The following RBFOX2 variants were observed in gnomAD, a reference collection of about 807,000 sequenced individuals.
RBFOX2 encodes the protein RNA binding fox-1 homolog 2.
In RBFOX2, 10 loss-of-function variants were observed where a neutral mutation model predicts 49.1. The ratio of observed to expected loss-of-function variants is 0.20; its 90% CI spans 0.13 to 0.35. The LOEUF is 0.35. Among genes scored for constraint, RBFOX2 ranks in the 10% least tolerant of loss-of-function variants. The pLI is 1.00. For missense variants in RBFOX2, 323 were observed against 486.9 expected (o/e 0.66, Z 3.17); for synonymous variants, 183 against 187.4 (o/e 0.98, Z 0.19).
At chr22:35,936,928 A>T (rs1168818441) in intron 1 of RBFOX2, among the ~76,000 whole-genome samples, 1 of 152,188 alleles carries the variant, frequency 6.6e-6, no homozygotes, top group Non-Finnish European at 1.5e-5. Context: ...TACCTTCCTA[A>T]ATCCACAATA....
chr22:35,988,991 A>T (rs1376826636), intron 1 of RBFOX2, among the ~76,000 whole-genome samples: 1 of 152,218 alleles, frequency 6.6e-6, no homozygotes, highest in Non-Finnish European at 1.5e-5. Context: ...TGAGTTCAAG[A>T]CCAGCCTTGC....
chr22:35,919,140 T>G (rs1280694252), intron 1 of RBFOX2, among the ~76,000 whole-genome samples: 1 of 152,222 alleles, frequency 6.6e-6, no homozygotes, highest in Non-Finnish European at 1.5e-5. Context: ...CATATTCTAT[T>G]GAGTCTATTT....
intron 1 of RBFOX2, among the ~76,000 whole-genome samples, chr22:35,817,402 C>T (rs1384134113): frequency 2.0e-5 from 3 of 151,880 alleles, no homozygotes; most frequent in Admixed American, 6.6e-5. Flanking sequence ...ACTTGAACAT[C>T]GGAGGCAGAG....
At chr22:35,804,972 G>A (rs936524699) in intron 2 of RBFOX2, among the ~76,000 whole-genome samples, 2 of 152,034 alleles carry the variant, frequency 1.3e-5, no homozygotes, top group Non-Finnish European at 2.9e-5. Context: ...CTAATAATAA[G>A]AAAACAAACA....
At chr22:35,798,681 TTGCC>T (rs1252290897) in intron 2 of RBFOX2, among the ~76,000 whole-genome samples, 2 of 152,182 alleles carry the variant, frequency 1.3e-5, no homozygotes, top group African/African-American at 4.8e-5. Flanking sequence ...TAAGTAGTTA[TTGCC>T]CCTATATATG....
chr22:35,809,849 G>A, exon 2 of RBFOX2: 1 of 1,614,108 alleles, frequency 6.2e-7, no homozygotes, highest in Non-Finnish European at 8.5e-7. Context: ...TACTTCCGTA[G>A]AGTGTCAGGT....
intron 1 of RBFOX2, among the ~76,000 whole-genome samples, chr22:36,000,634 A>G (rs961110669): frequency 2.0e-5 from 3 of 152,198 alleles, no homozygotes; most frequent in African/African-American, 4.8e-5. Flanking sequence ...AGGTGAATGA[A>G]CAAGGTACCC....
chr22:35,888,657 A>G (rs2046889984), intron 1 of RBFOX2, among the ~76,000 whole-genome samples: 1 of 152,212 alleles, frequency 6.6e-6, no homozygotes, highest in South Asian at 2.1e-4. Flanking sequence ...GGTTGAAGTC[A>G]GCAATGACCT....
chr22:35,804,762 T>A (rs1172786079), intron 2 of RBFOX2, among the ~76,000 whole-genome samples: 1 of 151,164 alleles, frequency 6.6e-6, no homozygotes, highest in Admixed American at 6.6e-5. Flanking sequence ...CTAAAAGAAG[T>A]CCTTTGGACT....
At chr22:35,933,953 T>TATATATATATATACATAC (rs1009021083) in intron 1 of RBFOX2, among the ~76,000 whole-genome samples, 37 of 141,074 alleles carry the variant, frequency 2.6e-4, no homozygotes, top group African/African-American at 1.0e-3. Flanking sequence ...TATATATATA[T>TATATATATATATACATAC]ACACACATCA....
intron 2 of RBFOX2, among the ~76,000 whole-genome samples, 160 bp downstream of exon 3, chr22:35,809,620 G>A (rs907110303): frequency 5.9e-5 from 9 of 152,184 alleles, no homozygotes; most frequent in African/African-American, 2.2e-4. Context: ...TTTCTAGGAG[G>A]AGGGAGGACA....
chr22:35,957,460 T>C (rs1023375788), intron 1 of RBFOX2, among the ~76,000 whole-genome samples: 5 of 152,198 alleles, frequency 3.3e-5, no homozygotes, highest in Non-Finnish European at 7.3e-5. Context: ...CTTGCAACCA[T>C]ATTCACATAG....
chr22:35,940,249 ATG>A (rs966543386), upstream of RBFOX2, among the ~76,000 whole-genome samples: 1 of 152,200 alleles, frequency 6.6e-6, no homozygotes, highest in African/African-American at 2.4e-5. Flanking sequence ...ACCCAAAAGA[ATG>A]TGTAATAAAT....
intron 1 of RBFOX2, chr22:35,897,953 C>T: frequency 2.6e-6 from 2 of 772,460 alleles, no homozygotes; most frequent in Non-Finnish European, 2.3e-6. Context: ...TGAGCAATTG[C>T]TTGGGGAATC....
At chr22:35,835,049 G>A (rs979357321) in intron 1 of RBFOX2, among the ~76,000 whole-genome samples, 1 of 152,202 alleles carries the variant, frequency 6.6e-6, no homozygotes, top group African/African-American at 2.4e-5. Context: ...AGAAGAGGTT[G>A]AACACTGGAG....
chr22:35,953,960 T>C (rs2055255184), intron 1 of RBFOX2, among the ~76,000 whole-genome samples: 1 of 152,210 alleles, frequency 6.6e-6, no homozygotes, highest in African/African-American at 2.4e-5. Flanking sequence ...AAGTAGATAT[T>C]TGCCTATTTC....
Position 35,864,170 on chromosome 22 carries a change from T to C in RBFOX2, c.-33-54166A>G, listed in dbSNP as rs372679761. On this transcript the variant is annotated intron_variant, in intron 1 of 13. Transcript: ENST00000359369. ...CCTATTTCACTTGGAAAAAATAAAG[T>C]ACAGCTGAACATAAAATATCAAAAA... 7.2e-5 allele frequency among the ~76,000 whole-genome samples: 11 copies of C among 152,282 alleles called. No homozygotes were observed. The East Asian group carries it at 1.5e-3, about 21-fold the overall frequency.
At chr22:35,838,979 CATCCTG>C (rs1323224690) in intron 1 of RBFOX2, among the ~76,000 whole-genome samples, 6 of 152,174 alleles carry the variant, frequency 3.9e-5, no homozygotes, top group African/African-American at 1.2e-4. Flanking sequence ...ATGATGCCTC[CATCCTG>C]ATAACTAGCT....
intron 1 of RBFOX2, among the ~76,000 whole-genome samples, chr22:36,001,939 C>T (rs1228431148): frequency 1.3e-5 from 2 of 152,102 alleles, no homozygotes; most frequent in Non-Finnish European, 2.9e-5. Context: ...TGGCAGGCGC[C>T]TATAATCCCA....
Sources: allele counts gnomAD v4.1 joint callset (sites outside exome capture counted in the v4.1 genomes callset), GRCh38; gene constraint gnomAD v4.1.1; transcripts MANE v1.5; gene names NCBI Gene and HGNC (gene_info 2026-07-23, HGNC 2026-07-21).